The following GRIN2B variants were observed in gnomAD, a reference collection of about 807,000 sequenced individuals.
GRIN2B encodes the protein glutamate ionotropic receptor NMDA type subunit 2B, also known as glutamate receptor ionotropic, NMDA 2B.
A neutral mutation model predicts 114.5 loss-of-function variants in GRIN2B; 5 were observed. The observed-to-expected ratio is 0.04, with a 90% CI of 0.02 to 0.09. The LOEUF (loss-of-function observed/expected upper bound fraction) is 0.09, where lower values mean the gene tolerates loss of function less well. Ranked by LOEUF, GRIN2B falls within the 10% of genes least tolerant of loss-of-function variation. GRIN2B has a pLI of 1.00. For missense variants in GRIN2B, 1,108 were observed against 1,943.5 expected (o/e 0.57, Z 8.08); for synonymous variants, 787 against 745.1 (o/e 1.06, Z -0.92).
Position 13,553,335 on chromosome 12 carries a change from C to T in GRIN2B, c.*9448G>A, listed in dbSNP as rs1948439911. 1 of 152,206 alleles carries T rather than the reference C, an allele frequency of 6.6e-6. No homozygotes were observed. The allele number at this position is 152,206 out of a possible 1,614,324, so 9.4% of individuals were successfully genotyped here. On this transcript the variant is annotated 3_prime_UTR_variant, in exon 14 of 14. Transcript: ENST00000609686. ...TACAGAGAAAGGAGTAGTTTAGAGA[C>T]TAGCATTCTCTCTGAGCCAGCTCAT...
chr12:13,680,421 G>A (rs1011809602), intron 4 of GRIN2B, among the ~76,000 whole-genome samples: 1 of 146,578 alleles, frequency 6.8e-6, no homozygotes, highest in Non-Finnish European at 1.5e-5. Context: ...AAATCCCCTG[G>A]AAGTCCCATC....
chr12:13,757,805 T>C lies in GRIN2B; in HGVS notation c.412-3890A>G, dbSNP rs544522842. On this transcript the variant is annotated intron_variant, in intron 3 of 13. Transcript: ENST00000609686. ...GTGGGGCCCCCATCATTTTGATGTT[T>C]GTGGTGTTTATTTGCTAATAAGAAT... Among the ~76,000 whole-genome samples, 11 of 152,308 alleles carry C rather than the reference T, an allele frequency of 7.2e-5. No homozygotes were observed. The South Asian group carries it at 2.3e-3, about 32-fold the overall frequency.
chr12:13,596,142 C>T (rs1167700776), intron 10 of GRIN2B, among the ~76,000 whole-genome samples: 3 of 152,082 alleles, frequency 2.0e-5, no homozygotes, highest in African/African-American at 4.8e-5. Flanking sequence ...TATTTGAGGC[C>T]ACTCACAGAC....
At chr12:13,966,654 G>A (rs928575855) in intron 2 of GRIN2B, among the ~76,000 whole-genome samples, 1 of 152,038 alleles carries the variant, frequency 6.6e-6, no homozygotes, top group African/African-American at 2.4e-5. Flanking sequence ...CCTCTACATG[G>A]GACAACTAAG....
At chr12:13,859,345 G>A (rs1288911727) in intron 3 of GRIN2B, among the ~76,000 whole-genome samples, 2 of 152,186 alleles carry the variant, frequency 1.3e-5, no homozygotes. Flanking sequence ...GAATGTCGAA[G>A]CAATTTCTGG....
chr12:13,952,116 T>C (rs1329041958), intron 2 of GRIN2B, among the ~76,000 whole-genome samples: 1 of 152,020 alleles, frequency 6.6e-6, no homozygotes, highest in Non-Finnish European at 1.5e-5. Flanking sequence ...TATGGTGATA[T>C]AAAAATAAAA....
intron 2 of GRIN2B, among the ~76,000 whole-genome samples, chr12:13,893,979 C>T (rs1033080845): frequency 2.0e-5 from 3 of 151,850 alleles, no homozygotes; most frequent in South Asian, 4.2e-4. Flanking sequence ...GAAAATTGTC[C>T]GATATTACTC....
At chr12:13,572,072 G>A in intron 10 of GRIN2B, 108 bp from the exon 11 acceptor site, 1 of 872,220 alleles carries the variant, frequency 1.1e-6, no homozygotes, top group Non-Finnish European at 1.9e-6. Flanking sequence ...AGCATTAGTG[G>A]ATTTATAATG....
At chr12:13,895,560 AG>A (rs1202231038) in intron 2 of GRIN2B, among the ~76,000 whole-genome samples, 3 of 152,152 alleles carry the variant, frequency 2.0e-5, no homozygotes, top group African/African-American at 7.2e-5. Flanking sequence ...GTCTTTCCAA[AG>A]TTTGAAAGGC....
At chr12:13,902,890 C>G (rs1866476840) in intron 2 of GRIN2B, among the ~76,000 whole-genome samples, 1 of 152,082 alleles carries the variant, frequency 6.6e-6, no homozygotes, top group Non-Finnish European at 1.5e-5. Flanking sequence ...GCCTGGCACA[C>G]TTTTTTAGAA....
rs1210453827 is a variant in GRIN2B, at chr12:13,748,947, A to G, written c.1010+4370T>C. Among the ~76,000 whole-genome samples the G allele has an allele frequency of 2.0e-5, 3 of 152,214 alleles. No homozygotes were observed. In the East Asian group the frequency reaches 5.8e-4, roughly 29 times the overall value. The stretch of plus-strand genomic sequence containing the variant: ...TATTCATTGTTTATCTGAAATTCAA[A>G]TTTAACTTGGCTTAAGTATTTTTCT... On this transcript the variant is annotated intron_variant, in intron 4 of 13. Coordinates refer to ENST00000609686, the MANE Select transcript of GRIN2B (RefSeq NM_000834.5).
At chr12:13,741,565 T>C (rs1863287610) in intron 4 of GRIN2B, among the ~76,000 whole-genome samples, 1 of 152,168 alleles carries the variant, frequency 6.6e-6, no homozygotes, top group Admixed American at 6.5e-5. Context: ...GCTTTCGTTT[T>C]ATTTTTTTGA....
chr12:13,925,904 C>T (rs568023522), intron 2 of GRIN2B, among the ~76,000 whole-genome samples: 9 of 152,206 alleles, frequency 5.9e-5, no homozygotes, highest in African/African-American at 7.2e-5. Flanking sequence ...CTTCTTTTCT[C>T]GTCATTCTTT....
intron 4 of GRIN2B, among the ~76,000 whole-genome samples, chr12:13,700,262 C>T (rs1950298832): frequency 1.3e-5 from 2 of 152,096 alleles, no homozygotes; most frequent in South Asian, 4.1e-4. Context: ...ATACCATCCC[C>T]CTCCTCTTGG....
intron 4 of GRIN2B, among the ~76,000 whole-genome samples, chr12:13,700,105 C>A (rs903065524): frequency 6.6e-6 from 1 of 152,078 alleles, no homozygotes; most frequent in Non-Finnish European, 1.5e-5. Flanking sequence ...CGCTGTCTGT[C>A]TGTGGGGAGG....
At chr12:13,871,328 TAAATTA>T (rs960992406) in intron 2 of GRIN2B, among the ~76,000 whole-genome samples, 110 of 146,090 alleles carry the variant, frequency 7.5e-4, no homozygotes, top group African/African-American at 3.0e-3. Context: ...ATAATGTGAT[TAAATTA>T]AAAGTACTTT....
chr12:13,732,762 A>G (rs1393819682), intron 4 of GRIN2B, among the ~76,000 whole-genome samples: 1 of 152,236 alleles, frequency 6.6e-6, no homozygotes, highest in Non-Finnish European at 1.5e-5. Context: ...GAAAATATAA[A>G]GAATCTAAAA....
chr12:13,719,066 A>C (rs1284739660), intron 4 of GRIN2B, among the ~76,000 whole-genome samples: 2 of 151,986 alleles, frequency 1.3e-5, no homozygotes, highest in Non-Finnish European at 2.9e-5. Flanking sequence ...TCTCCCCAAC[A>C]GCTCCTCATA....
intron 4 of GRIN2B, among the ~76,000 whole-genome samples, chr12:13,680,436 T>TGGTG (rs374526823): frequency 8.1e-6 from 1 of 123,480 alleles, no homozygotes; most frequent in African/African-American, 3.0e-5. Flanking sequence ...CCCATCAAGG[T>TGGTG]TGTGTGTGTG....
Sources: gnomAD v4.1 joint callset for allele counts (sites outside exome capture counted in the v4.1 genomes callset) on GRCh38, gnomAD v4.1.1 for gene constraint, MANE v1.5 for transcripts, NCBI Gene and HGNC (gene_info 2026-07-23, HGNC 2026-07-21) for gene names.